Variants in PLXDC2 observed in about 807,000 individuals in gnomAD.
PLXDC2 encodes plexin domain containing 2, also known as plexin domain-containing protein 2.
Under a neutral mutation model 68.9 loss-of-function variants are expected in PLXDC2, and 40 were observed. The ratio of observed to expected loss-of-function variants is 0.58; its 90% CI spans 0.45 to 0.76. PLXDC2 has a LOEUF of 0.76. Ranked by LOEUF, PLXDC2 falls within the 30% of genes least tolerant of loss-of-function variation. PLXDC2 has a pLI of 0.00. For synonymous variants in PLXDC2, 243 were observed against 234.2 expected (o/e 1.04, Z -0.34); for missense variants, 644 against 661.9 (o/e 0.97, Z 0.30).
chr10:19,973,982 A>G (rs1220199015), intron 1 of PLXDC2, among the ~76,000 whole-genome samples: 1 of 152,248 alleles, frequency 6.6e-6, no homozygotes, highest in Non-Finnish European at 1.5e-5. Context: ...AGGTGAAACT[A>G]GAATCATGAT....
At chr10:19,824,998 C>T (rs1449014712) in intron 1 of PLXDC2, among the ~76,000 whole-genome samples, 2 of 152,208 alleles carry the variant, frequency 1.3e-5, no homozygotes, top group Admixed American at 6.5e-5. Context: ...TTTTAAATCT[C>T]TTCTGTCAGA....
intron 6 of PLXDC2, among the ~76,000 whole-genome samples, chr10:20,156,589 G>C (rs1205532560): frequency 6.6e-6 from 1 of 152,056 alleles, no homozygotes; most frequent in Non-Finnish European, 1.5e-5. Context: ...TTTTAAAGTG[G>C]AGGTGGATTT....
chr10:20,098,357 A>ATGAGTG (rs1554766427), intron 4 of PLXDC2, among the ~76,000 whole-genome samples: 1 of 145,384 alleles, frequency 6.9e-6, no homozygotes, highest in Non-Finnish European at 1.5e-5. Context: ...GTGTGTGTGT[A>ATGAGTG]TGTGTGTGTG....
chr10:20,275,053 A>G (rs193263786), intron 13 of PLXDC2, among the ~76,000 whole-genome samples: 1 of 152,324 alleles, frequency 6.6e-6, no homozygotes, highest in Admixed American at 6.5e-5. Context: ...TTGTATTTCA[A>G]AGAATGAAAT....
At chr10:20,150,981 A>C (rs1222454643) in intron 6 of PLXDC2, among the ~76,000 whole-genome samples, 1 of 152,200 alleles carries the variant, frequency 6.6e-6, no homozygotes, top group Non-Finnish European at 1.5e-5. Context: ...CTTGTCCTGA[A>C]GAATGTCTTC....
intron 4 of PLXDC2, among the ~76,000 whole-genome samples, chr10:20,073,936 G>A (rs1836386653): frequency 6.6e-6 from 1 of 152,104 alleles, no homozygotes; most frequent in Non-Finnish European, 1.5e-5. Flanking sequence ...TTTTACCTGA[G>A]TCCGTCATGG....
At chr10:19,936,143 G>A (rs1156988962) in intron 1 of PLXDC2, among the ~76,000 whole-genome samples, 2 of 152,138 alleles carry the variant, frequency 1.3e-5, no homozygotes, top group Non-Finnish European at 2.9e-5. Context: ...CCAATTGTAA[G>A]CTTGATATAT....
chr10:20,238,154 A>G (rs1835458669), intron 12 of PLXDC2, among the ~76,000 whole-genome samples: 1 of 149,898 alleles, frequency 6.7e-6, no homozygotes, highest in Non-Finnish European at 1.5e-5. Context: ...AAATAAATAT[A>G]TATATGTATA....
At chr10:20,175,219 A>G (rs1174686584) in intron 7 of PLXDC2, among the ~76,000 whole-genome samples, 3 of 152,194 alleles carry the variant, frequency 2.0e-5, no homozygotes, top group Non-Finnish European at 4.4e-5. Context: ...CAATATTCCT[A>G]TATTATCTCA....
intron 1 of PLXDC2, among the ~76,000 whole-genome samples, chr10:19,881,662 G>C (rs549581270): frequency 6.6e-6 from 1 of 152,192 alleles, no homozygotes; most frequent in African/African-American, 2.4e-5. Flanking sequence ...TTAAAGATTT[G>C]TTACATTATT....
chr10:20,009,325 G>A (rs919779821), intron 2 of PLXDC2, among the ~76,000 whole-genome samples: 1 of 152,258 alleles, frequency 6.6e-6, no homozygotes, highest in Admixed American at 6.5e-5. Context: ...CTTTGATATT[G>A]AACAGTCCTT....
intron 1 of PLXDC2, among the ~76,000 whole-genome samples, chr10:19,875,388 A>G (rs775021925): frequency 6.6e-6 from 1 of 152,216 alleles, no homozygotes; most frequent in Admixed American, 6.5e-5. Context: ...TTATTCAAGA[A>G]TAACAATCCA....
Position 20,177,072 on chromosome 10 carries a change from T to C in PLXDC2, c.957T>C (p.Ala319=), listed in dbSNP as rs767882916. Residue 319 remains alanine, a synonymous_variant, in exon 8 of 14, where the codon GCT becomes GCC. Coordinates refer to ENST00000377252, the MANE Select transcript of PLXDC2 (RefSeq NM_032812.9). ...LQMSKITNIS[A]VEMTPLPTCL... Reference sequence around the variant, plus strand: ...TGTCAAAAATTACCAACATTTCGGCTGTGGAGATGACCCCATTACCCAGTA... The same window carrying C: ...TGTCAAAAATTACCAACATTTCGGCCGTGGAGATGACCCCATTACCCAGTA... The C allele has an allele frequency of 3.1e-6, 5 of 1,610,262 alleles. No homozygotes were observed. Among genetic ancestry groups the C allele is most frequent in the Non-Finnish European group, 2.5e-6 (3 of 1,177,442 alleles).
rs1306375136 is a variant in PLXDC2, at chr10:20,082,056, A to C, written c.541+13817A>C. Among the ~76,000 whole-genome samples, 27 of 142,080 alleles carry C rather than the reference A, an allele frequency of 1.9e-4. 5 individuals are homozygous for C. The highest frequency in any genetic ancestry group is 2.9e-4 in the African/African-American group (11 of 37,858). 93.2% of individuals were successfully genotyped at this position (142,080 alleles called of 152,430 possible). A position where few individuals can be genotyped will look rare whatever the true frequency, so the allele number is the denominator to read the frequency against. ...GTGAAACTCCATCTGAAAAAAAAAA[A>C]AAAAAATCAAAAAAAAAAAACAGGA... On this transcript the variant is annotated intron_variant, in intron 4 of 13. Transcript: ENST00000377252.
chr10:19,965,113 T>C (rs375888771), intron 1 of PLXDC2, among the ~76,000 whole-genome samples: 14 of 152,320 alleles, frequency 9.2e-5, no homozygotes, highest in African/African-American at 3.4e-4. Flanking sequence ...TGAAATAATT[T>C]GCATTATTCA....
At chr10:20,090,548 C>T (rs1256435461) in intron 4 of PLXDC2, among the ~76,000 whole-genome samples, 1 of 152,056 alleles carries the variant, frequency 6.6e-6, no homozygotes, top group Admixed American at 6.6e-5. Context: ...ACTAGCTCAC[C>T]TTCCTTCATA....
chr10:19,933,508 C>T (rs1022784051), intron 1 of PLXDC2, among the ~76,000 whole-genome samples: 1 of 151,926 alleles, frequency 6.6e-6, no homozygotes, highest in Admixed American at 6.6e-5. Flanking sequence ...ATGGTGGGCA[C>T]CTATCATCCC....
At chr10:20,002,937 G>T (rs948739123) in intron 2 of PLXDC2, among the ~76,000 whole-genome samples, 6 of 152,102 alleles carry the variant, frequency 3.9e-5, no homozygotes, top group African/African-American at 1.4e-4. Flanking sequence ...TGTTAAATAT[G>T]GAACAGTTCT....
intron 1 of PLXDC2, among the ~76,000 whole-genome samples, chr10:19,963,153 G>A (rs1020109618): frequency 5.3e-5 from 8 of 152,120 alleles, no homozygotes; most frequent in African/African-American, 1.9e-4. Flanking sequence ...TTCAGAAGTA[G>A]ACATTAAAGG....
Sources: allele counts gnomAD v4.1 joint callset (sites outside exome capture counted in the v4.1 genomes callset), GRCh38; gene constraint gnomAD v4.1.1; transcripts MANE v1.5; gene names NCBI Gene and HGNC (gene_info 2026-07-23, HGNC 2026-07-21).